Variants in NRXN1 observed in about 807,000 individuals in gnomAD.
The protein encoded by NRXN1 is neurexin 1.
In NRXN1, 39 loss-of-function variants were observed where a neutral mutation model predicts 150.9. The ratio of observed to expected loss-of-function variants is 0.26; its 90% CI spans 0.20 to 0.34. NRXN1 has a LOEUF of 0.34. Ranked by LOEUF, NRXN1 falls within the 10% of genes least tolerant of loss-of-function variation. The pLI is 1.00. For missense variants in NRXN1, 1,815 were observed against 1,949.9 expected, an observed-to-expected ratio of 0.93 and a Z score of 1.30; for synonymous variants, 924 against 757.0, an observed-to-expected ratio of 1.22 and a Z score of -3.62.
At chr2:50,946,290 G>C (rs1044728862) in intron 2 of NRXN1, among the ~76,000 whole-genome samples, 1 of 152,106 alleles carries the variant, frequency 6.6e-6, no homozygotes, top group African/African-American at 2.4e-5. Context: ...TTGTCAAAAA[G>C]TTCTTGACAA....
chr2:49,923,193 T>C (rs928652113), intron 22 of NRXN1, among the ~76,000 whole-genome samples: 14 of 152,124 alleles, frequency 9.2e-5, no homozygotes, highest in African/African-American at 2.7e-4. Flanking sequence ...TGAGATTTAA[T>C]TGGTAGATAT....
chr2:50,595,324 C>A (rs941100675), intron 8 of NRXN1, among the ~76,000 whole-genome samples: 1 of 151,418 alleles, frequency 6.6e-6, no homozygotes, highest in Non-Finnish European at 1.5e-5. Flanking sequence ...ATATGAGATG[C>A]CTTGATGTTA....
chr2:50,319,761 A>G (rs887564216), intron 17 of NRXN1, among the ~76,000 whole-genome samples: 1 of 152,016 alleles, frequency 6.6e-6, no homozygotes, highest in East Asian at 1.9e-4. Flanking sequence ...CCCCTACGCG[A>G]GCTTGCATCC....
At chr2:51,027,242 T>G (rs902022623) in intron 2 of NRXN1, among the ~76,000 whole-genome samples, 2 of 152,144 alleles carry the variant, frequency 1.3e-5, no homozygotes, top group East Asian at 3.9e-4. Context: ...TATTTGCCAC[T>G]TGGAAGGGAG....
intron 10 of NRXN1, among the ~76,000 whole-genome samples, chr2:50,534,895 T>C (rs192241552): frequency 5.3e-4 from 81 of 152,292 alleles, no homozygotes; most frequent in African/African-American, 1.5e-3. Flanking sequence ...ATCATAAATA[T>C]AGTGTGAAAT....
chr2:51,028,097 C>G lies in NRXN1; in HGVS notation c.177G>C (p.Lys59Asn). The change falls in exon 2 of 23, where the codon AAG becomes AAC. Residue 59 changes from lysine to asparagine, a missense_variant. Physicochemically the swap from Lys to Asn is moderately conservative, Grantham distance 94 (BLOSUM62 0). This residue lies in a region of NRXN1 where 554 missense variants were observed against 478.8 expected (regional missense o/e 1.16). Transcript: ENST00000401669. ...CCESEMSFQLKTRSARGLVLY... is the reference protein window; with the variant it reads ...CCESEMSFQLNTRSARGLVLY... ...GCACGAGGCCGCGGGCGCTGCGAGT[C>G]TTGAGCTGGAAGCTCATCTCGCTCT... 6.3e-7 allele frequency: 1 copy of G among 1,582,428 alleles called. No individual in the cohort carries two copies. The highest frequency in any genetic ancestry group is 2.3e-5 in the East Asian group (1 of 43,890).
chr2:50,617,839 T>G (rs910446262), intron 8 of NRXN1, among the ~76,000 whole-genome samples: 3 of 152,182 alleles, frequency 2.0e-5, no homozygotes, highest in Non-Finnish European at 1.5e-5. Flanking sequence ...ATTAGAGGTG[T>G]TAATCTGAAG....
intron 12 of NRXN1, among the ~76,000 whole-genome samples, chr2:50,511,544 C>A (rs1442473241): frequency 6.6e-6 from 1 of 152,076 alleles, no homozygotes; most frequent in South Asian, 2.1e-4. Context: ...TTGCTGGTGA[C>A]CCTGTAGCTA....
intron 18 of NRXN1, among the ~76,000 whole-genome samples, chr2:50,118,653 A>G (rs185008940): frequency 6.6e-4 from 101 of 152,290 alleles, no homozygotes; most frequent in African/African-American, 2.3e-3. Context: ...ATTCAAAAGC[A>G]GGCACTAAAA....
chr2:50,609,931 C>T (rs1172494558), intron 8 of NRXN1, among the ~76,000 whole-genome samples: 4 of 152,088 alleles, frequency 2.6e-5, no homozygotes, highest in Non-Finnish European at 5.9e-5. Context: ...ATTTACTCCA[C>T]AAAGATAAAA....
At chr2:50,443,822 T>C (rs1305343736) in intron 17 of NRXN1, among the ~76,000 whole-genome samples, 1 of 152,196 alleles carries the variant, frequency 6.6e-6, no homozygotes, top group Non-Finnish European at 1.5e-5. Context: ...TTCCAGACTT[T>C]CAATATACAC....
intron 17 of NRXN1, among the ~76,000 whole-genome samples, chr2:50,416,016 G>C (rs2083512055): frequency 6.9e-6 from 1 of 145,294 alleles, no homozygotes; most frequent in Admixed American, 6.8e-5. Context: ...AAAAGAATTT[G>C]TTTAGTACCT....
At chr2:50,587,980 C>G (rs1673448994) in intron 8 of NRXN1, among the ~76,000 whole-genome samples, 2 of 152,098 alleles carry the variant, frequency 1.3e-5, no homozygotes, top group African/African-American at 4.8e-5. Flanking sequence ...AAATGATCTT[C>G]TTTGTGAGTG....
intron 21 of NRXN1, among the ~76,000 whole-genome samples, chr2:49,969,206 T>C (rs1178941392): frequency 6.6e-6 from 1 of 152,080 alleles, no homozygotes; most frequent in East Asian, 1.9e-4. Context: ...ACACATTTTA[T>C]ACAAATGTTG....
At chr2:50,870,868 T>G (rs886154746) in intron 5 of NRXN1, among the ~76,000 whole-genome samples, 14 of 151,908 alleles carry the variant, frequency 9.2e-5, no homozygotes, top group African/African-American at 3.4e-4. Flanking sequence ...TTAGGACCTA[T>G]GTCTTGGACT....
chr2:50,600,969 T>C (rs1337094328), intron 8 of NRXN1, among the ~76,000 whole-genome samples: 1 of 152,084 alleles, frequency 6.6e-6, no homozygotes, highest in Non-Finnish European at 1.5e-5. Flanking sequence ...AAAAGAAGTA[T>C]TGGGTTATGT....
rs182848493 is a variant in NRXN1 at position 50,857,309 on chromosome 2, A to G, written c.832+64560T>C. Among the ~76,000 whole-genome samples, 7 of 152,138 alleles carry G rather than the reference A, an allele frequency of 4.6e-5. No individual in the cohort carries two copies. In the South Asian group the frequency reaches 6.2e-4, roughly 14 times the overall value. On this transcript the variant is annotated intron_variant, in intron 5 of 22. Coordinates refer to ENST00000401669, the MANE Select transcript of NRXN1 (RefSeq NM_001330078.2). ...GGGGCAAGGATAGTGGGGTGGGGGAAATGGTGAAGGGTCAGTTAAAAAGCC... is the reference window on the plus strand; with the variant it reads ...GGGGCAAGGATAGTGGGGTGGGGGAGATGGTGAAGGGTCAGTTAAAAAGCC...
rs537462122 is a variant in NRXN1 at position 50,717,293 on chromosome 2, CAG to C, written c.833-93680_833-93679del. ...AAATTCTAATTATCAAGGGAGGACT[CAG>C]AGGAAAGTCTAATAAGCCATTATTC... On this transcript the variant is annotated intron_variant, in intron 5 of 22. Transcript: ENST00000401669. Among the ~76,000 whole-genome samples the C allele has an allele frequency of 9.1e-3, 1,385 of 152,214 alleles. 22 individuals are homozygous for C. Among genetic ancestry groups the C allele is most frequent in the African/African-American group, 0.031 (1,296 of 41,538 alleles).
At chr2:50,948,455 A>G (rs994390984) in intron 2 of NRXN1, among the ~76,000 whole-genome samples, 2 of 152,096 alleles carry the variant, frequency 1.3e-5, no homozygotes, top group African/African-American at 4.8e-5. Flanking sequence ...CTGTGCAAGG[A>G]AAGTACAATT....
Sources: allele counts gnomAD v4.1 joint callset (sites outside exome capture counted in the v4.1 genomes callset), GRCh38; gene constraint gnomAD v4.1.1; regional missense constraint gnomAD v4.1.1; transcripts MANE v1.5; gene names NCBI Gene and HGNC (gene_info 2026-07-23, HGNC 2026-07-21).